EGFR: variants seen among roughly 807,000 people sequenced by gnomAD.
The protein encoded by EGFR is avian erythroblastic leukemia viral (v-erb-b) oncogene homolog.
In EGFR, 58 loss-of-function variants were observed where a neutral mutation model predicts 143.0. The observed-to-expected ratio is 0.41, with a 90% CI of 0.33 to 0.50. The LOEUF (loss-of-function observed/expected upper bound fraction) is 0.50, where lower values mean the gene tolerates loss of function less well. Among genes scored for constraint, EGFR ranks in the 20% least tolerant of loss-of-function variants. The pLI is 0.39. For missense variants in EGFR, 1,307 were observed against 1,579.0 expected (o/e 0.83, Z 2.92); for synonymous variants, 613 against 594.4 (o/e 1.03, Z -0.45).
chr7:55,201,824 A>T (rs1273624502), intron 26 of EGFR, 42 bp downstream of exon 26: 3 of 1,598,608 alleles, frequency 1.9e-6, no homozygotes. Flanking sequence ...ACAGCTCTCC[A>T]CTATGGCTCT....
chr7:55,181,784 G>T (rs891656327), intron 20 of EGFR: 2 of 440,940 alleles, frequency 4.5e-6, no homozygotes, highest in Non-Finnish European at 8.5e-6. Flanking sequence ...GAATACTGTG[G>T]TGATTTGTAG....
In EGFR at chr7:55,146,612, T is replaced by G; in HGVS notation, c.431T>G (p.Leu144Arg). The G allele has an allele frequency of 6.2e-7, 1 of 1,614,064 alleles. No homozygotes were observed. The highest frequency in any genetic ancestry group is 8.5e-7 in the Non-Finnish European group (1 of 1,180,014). ...CAGTTCCATTCTCCCGCAGAAATCC[T>G]GCATGGCGCCGTGCGGTTCAGCAAC... ...ELPMRNLQEI[L>R]HGAVRFSNNP... Residue 144 changes from leucine to arginine, a missense_variant, in exon 4 of 28, where the codon CTG becomes CGG. Transcript: ENST00000275493.
rs749783044 is a variant in EGFR, at chr7:55,202,556, C to A, written c.3202C>A (p.Arg1068=). 1 of 1,612,984 alleles carries A rather than the reference C, an allele frequency of 6.2e-7. No homozygotes were observed. Among genetic ancestry groups the A allele is most frequent in the South Asian group, 1.1e-5 (1 of 90,758 alleles). Residue 1068 remains arginine, a synonymous_variant, in exon 27 of 28, where the codon CGA becomes AGA. Transcript: ENST00000275493. Reference sequence around the variant, plus strand: ...CATCAAGGAAGACAGCTTCTTGCAGCGATACAGCTCAGACCCCACAGGCGC... The same window carrying A: ...CATCAAGGAAGACAGCTTCTTGCAGAGATACAGCTCAGACCCCACAGGCGC... ...CPIKEDSFLQ[R]YSSDPTGALT... is the part of the protein sequence containing the mutation.
chr7:55,085,739 G>C (rs1440158878), intron 1 of EGFR, among the ~76,000 whole-genome samples: 8 of 152,198 alleles, frequency 5.3e-5, no homozygotes, highest in Admixed American at 1.3e-4. Context: ...TACAGAGCTG[G>C]TGTGTAGCGG....
intron 1 of EGFR, among the ~76,000 whole-genome samples, chr7:55,051,808 C>G (rs73133463): frequency 0.074 from 11,269 of 152,260 alleles, 561 homozygotes; most frequent in Non-Finnish European, 0.1. Context: ...CAGACGCTGA[C>G]CACTGCTTAG....
chr7:55,115,566 C>T (rs575222791), intron 1 of EGFR, among the ~76,000 whole-genome samples: 11 of 152,264 alleles, frequency 7.2e-5, no homozygotes, highest in East Asian at 1.9e-4. Flanking sequence ...GAGAGTAACT[C>T]GCAGTTCTCT....
intron 1 of EGFR, among the ~76,000 whole-genome samples, chr7:55,056,375 A>G (rs1788819526): frequency 6.6e-6 from 1 of 152,246 alleles, no homozygotes; most frequent in African/African-American, 2.4e-5. Flanking sequence ...ACTGATTTTC[A>G]AAATAGTATT....
chr7:55,139,404 T>C (rs1584135667), intron 1 of EGFR, among the ~76,000 whole-genome samples: 1 of 152,190 alleles, frequency 6.6e-6, no homozygotes, highest in East Asian at 1.9e-4. Flanking sequence ...TAACATGAGA[T>C]ATTTGGTATA....
In EGFR at chr7:55,201,293, A is replaced by G. The variant is rs1362774341; in HGVS notation, c.3052A>G (p.Ile1018Val). Reference protein sequence around the residue: ...DDVVDADEYLIPQQGFFSSPS... With the variant: ...DDVVDADEYLVPQQGFFSSPS... ...CGTGGTGGATGCCGACGAGTACCTC[A>G]TCCCACAGCAGGGCTTCTTCAGCAG... is the stretch of plus-strand genomic sequence containing the variant. Residue 1018 changes from isoleucine (I) to valine (V), a missense_variant, in exon 25 of 28, where the codon ATC becomes GTC. Transcript: ENST00000275493. 14 of 1,613,980 alleles carry G rather than the reference A, an allele frequency of 8.7e-6. No individual in the cohort carries two copies. The highest frequency in any genetic ancestry group is 1.2e-5 in the Non-Finnish European group (14 of 1,180,022).
intron 16 of EGFR, 148 bp from the exon 17 acceptor site, chr7:55,172,835 T>A: frequency 3.2e-6 from 5 of 1,569,846 alleles, no homozygotes; most frequent in Non-Finnish European, 4.3e-6. Context: ...GCCTGTTTTT[T>A]CTCCTTTTAG....
intron 19 of EGFR, chr7:55,180,702 C>G (rs1786820753): frequency 6.0e-6 from 1 of 165,578 alleles, no homozygotes; most frequent in African/African-American, 2.4e-5. Flanking sequence ...GGGTCCCCAG[C>G]CCAAATGCCC....
At chr7:55,190,775 A>G (rs962339785) in intron 20 of EGFR, among the ~76,000 whole-genome samples, 1 of 152,246 alleles carries the variant, frequency 6.6e-6, no homozygotes, top group Non-Finnish European at 1.5e-5. Flanking sequence ...AGAGTGTGGT[A>G]GAAACAATAA....
At chr7:55,054,374 G>A (rs561651685) in intron 1 of EGFR, among the ~76,000 whole-genome samples, 7 of 152,332 alleles carry the variant, frequency 4.6e-5, no homozygotes, top group African/African-American at 1.7e-4. Context: ...AACATCACTT[G>A]AAGCTGGAAA....
In EGFR at chr7:55,211,326, T is replaced by C. The variant is rs1376428839; in HGVS notation, c.*5709T>C. On this transcript the variant is annotated 3_prime_UTR_variant, in exon 28 of 28. Transcript: ENST00000275493. ...TTGGAAATTAAGAGATCCTATGGAT[T>C]TGATGACTGGTATTAGAGGTGACAA... is the stretch of plus-strand genomic sequence containing the variant. 6.6e-6 allele frequency: 1 copy of C among 152,240 alleles called. No homozygotes were observed. The highest frequency in any genetic ancestry group is 2.4e-5 in the African/African-American group (1 of 41,472). 9.4% of individuals were successfully genotyped at this position (152,240 alleles called of 1,614,324 possible). A position where few individuals can be genotyped will look rare whatever the true frequency, so the allele number is the denominator to read the frequency against.
intron 1 of EGFR, among the ~76,000 whole-genome samples, chr7:55,047,618 G>A (rs1051932615): frequency 6.6e-6 from 1 of 152,216 alleles, no homozygotes; most frequent in Non-Finnish European, 1.5e-5. Flanking sequence ...AGGCTTGGTG[G>A]CGCATGCCGG....
chr7:55,100,640 C>T lies in EGFR; in HGVS notation c.89-41646C>T, dbSNP rs961365602. Among the ~76,000 whole-genome samples the T allele has an allele frequency of 3.3e-5, 5 of 152,302 alleles. No individual in the cohort carries two copies. The South Asian group carries it at 6.2e-4, about 19-fold the overall frequency. ...TCCACTTCCGCCCTGGGTGGAGCAC[C>T]GTGCTGGAGACCCACGCCTGCCAAG... is the stretch of plus-strand genomic sequence containing the variant. On this transcript the variant is annotated intron_variant, in intron 1 of 27. Transcript: ENST00000275493.
At chr7:55,155,261 G>A (rs17336653) in intron 7 of EGFR, among the ~76,000 whole-genome samples, 40,557 of 152,102 alleles carry the variant, frequency 0.27, 5,657 homozygotes, top group South Asian at 0.39. Flanking sequence ...GGCCAACAGG[G>A]TGAAACCTCG....
intron 1 of EGFR, among the ~76,000 whole-genome samples, chr7:55,082,624 G>A (rs1207991069): frequency 2.0e-5 from 3 of 152,030 alleles, no homozygotes; most frequent in Non-Finnish European, 2.9e-5. Flanking sequence ...GTTCATTTTC[G>A]CTCCAGTGTA....
intron 5 of EGFR, among the ~76,000 whole-genome samples, chr7:55,151,734 C>T (rs1365279703): frequency 2.0e-5 from 3 of 152,178 alleles, no homozygotes; most frequent in East Asian, 1.9e-4. Context: ...ATTAGCCGGG[C>T]GTGGTGGCGG....
Sources: gnomAD v4.1 joint callset for allele counts (sites outside exome capture counted in the v4.1 genomes callset) on GRCh38, gnomAD v4.1.1 for gene constraint, MANE v1.5 for transcripts, NCBI Gene and HGNC (gene_info 2026-07-23, HGNC 2026-07-21) for gene names.